Variants in KTN1 observed in about 807,000 individuals in gnomAD.
The protein encoded by KTN1 is kinectin 1, also known as kinectin.
Under a neutral mutation model 222.5 loss-of-function variants are expected in KTN1, and 130 were observed. That is an observed-to-expected ratio of 0.58 (90% CI 0.51 to 0.68). The LOEUF is 0.68. Among genes scored for constraint, KTN1 ranks in the 30% least tolerant of loss-of-function variants. The pLI is 0.00. For missense variants in KTN1, 1,508 were observed against 1,500.4 expected, an observed-to-expected ratio of 1.01 and a Z score of -0.08; for synonymous variants, 512 against 496.3, an observed-to-expected ratio of 1.03 and a Z score of -0.42.
At chr14:55,675,945 A>G (rs769021843) in intron 41 of KTN1, 27 bp downstream of exon 41, 14 of 1,480,248 alleles carry the variant, frequency 9.5e-6, no homozygotes, top group Non-Finnish European at 1.3e-5. Flanking sequence ...CTAGAGATGT[A>G]GTATCATGAG....
At chr14:55,642,974 A>G (rs994938461) in intron 18 of KTN1, among the ~76,000 whole-genome samples, 1 of 150,658 alleles carries the variant, frequency 6.6e-6, no homozygotes, top group African/African-American at 2.5e-5. Flanking sequence ...CAGTAGCACT[A>G]TCTTGGCTCA....
chr14:55,610,669 A>G (rs1487790452), intron 1 of KTN1, among the ~76,000 whole-genome samples: 1 of 152,232 alleles, frequency 6.6e-6, no homozygotes, highest in Non-Finnish European at 1.5e-5. Flanking sequence ...GTTTAATTAT[A>G]TCTGTATTAT....
intron 29 of KTN1, among the ~76,000 whole-genome samples, chr14:55,657,910 A>G (rs768906080): frequency 7.2e-4 from 109 of 152,072 alleles, no homozygotes; most frequent in Non-Finnish European, 1.4e-3. Flanking sequence ...CAAGACTGCC[A>G]TCTTTAAAAA....
Position 55,679,975 on chromosome 14 carries a change from C to T in KTN1, c.4069+290C>T, listed in dbSNP as rs1226296265. The T allele has an allele frequency of 2.1e-5, 7 of 333,530 alleles. No individual in the cohort carries two copies. The South Asian group carries it at 3.4e-4, about 16-fold the overall frequency. The allele number at this position is 333,530 out of a possible 1,614,324, so 20.7% of individuals were successfully genotyped here. ...TTGTGTGTTGCCTTAATACCTGCAA[C>T]GGCTTCGTTAATTTATTCTGTTCTT... is the stretch of plus-strand genomic sequence containing the variant. On this transcript the variant is annotated intron_variant, in intron 43 of 43. Coordinates refer to ENST00000395314, the MANE Select transcript of KTN1 (RefSeq NM_001079521.2).
At position 55,628,044 on chromosome 14, in the gene KTN1, T is replaced by C. The variant is rs780630885; in HGVS notation, c.1080+16T>C. The stretch of plus-strand genomic sequence containing the variant: ...GTTAACCCAGGTGAAGACATTCTTA[T>C]GTACGAGGGATATACTTCCCAAATC... On this transcript the variant is annotated intron_variant, in intron 6 of 43. Coordinates refer to ENST00000395314, the MANE Select transcript of KTN1 (RefSeq NM_001079521.2). The C allele has an allele frequency of 8.3e-6, 12 of 1,452,840 alleles. No homozygotes were observed. Among genetic ancestry groups the C allele is most frequent in the South Asian group, 2.3e-5 (2 of 87,188 alleles). The allele number at this position is 1,452,840 out of a possible 1,614,324, so 90.0% of individuals were successfully genotyped here.
Position 55,636,494 on chromosome 14 carries a change from T to C in KTN1, c.1507T>C (p.Tyr503His). The change falls in exon 10 of 44, where the codon TAC becomes CAC. Residue 503 changes from tyrosine (Y) to histidine (H), a missense_variant. By Grantham distance (83) the Tyr-to-His change is moderately conservative. Coordinates refer to ENST00000395314, the MANE Select transcript of KTN1 (RefSeq NM_001079521.2). ...GAGAAGGTGGGAAGAAGTTCAGAGC[T>C]ACATCAGGAAGAGAACAGCGGAACA... ...AERRWEEVQS[Y>H]IRKRTAEHEA... is the part of the protein sequence containing the mutation. The C allele has an allele frequency of 6.2e-7, 1 of 1,611,596 alleles. No homozygotes were observed. The highest frequency in any genetic ancestry group is 8.5e-7 in the Non-Finnish European group (1 of 1,178,688).
At chr14:55,674,786 T>C (rs1293464044) in intron 40 of KTN1, 2 of 152,160 alleles carry the variant, frequency 1.3e-5, no homozygotes, top group Non-Finnish European at 2.9e-5. Flanking sequence ...TTACTTTTTT[T>C]CCCTAGTCTT....
At chr14:55,600,220 G>C (rs1353412998) in intron 1 of KTN1, among the ~76,000 whole-genome samples, 1 of 151,284 alleles carries the variant, frequency 6.6e-6, no homozygotes, top group East Asian at 2.0e-4. Flanking sequence ...ATACACCTAA[G>C]AGTTATTTTA....
Position 55,679,646 on chromosome 14 carries a change from C to T in KTN1, c.4030C>T (p.Gln1344Ter). The change falls in exon 43 of 44, where the codon CAA (glutamine) becomes TAA (stop). Residue 1344 changes from glutamine to a stop codon, truncating the protein, a stop_gained. Coordinates refer to ENST00000395314, the MANE Select transcript of KTN1 (RefSeq NM_001079521.2). LOFTEE classifies it high-confidence loss of function. ...ACAGCAGTTGCTTCAGGCGGTAAACCAACAGCTCACAAAGGAGAAAGAGCA... is the reference window on the plus strand; with the variant it reads ...ACAGCAGTTGCTTCAGGCGGTAAACTAACAGCTCACAAAGGAGAAAGAGCA... ...QLQQLLQAVN[Q>*]QLTKEKEHYQ... The T allele has an allele frequency of 6.2e-7, 1 of 1,613,780 alleles. No homozygotes were observed. The highest frequency in any genetic ancestry group is 8.5e-7 in the Non-Finnish European group (1 of 1,179,766).
intron 12 of KTN1, 110 bp downstream of exon 12, chr14:55,637,957 A>G (rs952841715): frequency 1.1e-5 from 8 of 731,630 alleles, no homozygotes; most frequent in South Asian, 3.8e-5. Context: ...AGACTAGTCA[A>G]TGAATCAACA....
intron 18 of KTN1, among the ~76,000 whole-genome samples, chr14:55,642,137 T>G (rs2041867791): frequency 6.6e-6 from 1 of 152,182 alleles, no homozygotes; most frequent in Non-Finnish European, 1.5e-5. Context: ...AAAAGCAGTG[T>G]GATGTTGATC....
intron 43 of KTN1, chr14:55,680,663 A>G (rs1340954535): frequency 7.4e-7 from 1 of 1,350,126 alleles, no homozygotes; most frequent in African/African-American, 1.5e-5. Flanking sequence ...TTGATCTTAC[A>G]GGAGCGTTTT....
At chr14:55,667,411 T>TGAAACCAAGTGGAG in intron 34 of KTN1, 81 bp downstream of exon 34, 2 of 739,206 alleles carry the variant, frequency 2.7e-6, no homozygotes, top group Non-Finnish European at 4.5e-6. Context: ...TGCACTCCAC[T>TGAAACCAAGTGGAG]TGGTTTCAGT....
At chr14:55,620,219 G>A (rs868718756) in intron 5 of KTN1, among the ~76,000 whole-genome samples, 10 of 152,248 alleles carry the variant, frequency 6.6e-5, no homozygotes, top group Middle Eastern at 3.4e-3. Flanking sequence ...GGGCAGCTCC[G>A]CCCCTGTGGC....
intron 1 of KTN1, among the ~76,000 whole-genome samples, chr14:55,610,528 C>G (rs1419593736): frequency 6.6e-6 from 1 of 152,120 alleles, no homozygotes; most frequent in Non-Finnish European, 1.5e-5. Context: ...AATTTGGTTT[C>G]TTTATCTAAT....
rs569847515 is a variant in KTN1, at chr14:55,673,216, A to G, written c.3732A>G (p.Ser1244=). 89 of 1,613,234 alleles carry G rather than the reference A, an allele frequency of 5.5e-5. 2 individuals are homozygous for G. The South Asian group carries it at 9.6e-4, about 17-fold the overall frequency. The change falls in exon 40 of 44, where the codon TCA becomes TCG. Residue 1244 remains serine, a synonymous_variant. Transcript: ENST00000395314. ...AATTGCAGAAAAAACTTGATGATTC[A>G]TATTCTGAAGCAGTAAGACAGAATG... The part of the protein sequence containing the change: ...LTELQKKLDD[S]YSEAVRQNEE...
intron 5 of KTN1, among the ~76,000 whole-genome samples, chr14:55,625,969 A>G (rs1447653312): frequency 6.6e-6 from 1 of 152,178 alleles, no homozygotes. Context: ...CCTACTCTAC[A>G]CACATCAAGG....
At chr14:55,631,094 C>T (rs1373420474) in intron 7 of KTN1, among the ~76,000 whole-genome samples, 1 of 151,022 alleles carries the variant, frequency 6.6e-6, no homozygotes, top group East Asian at 1.9e-4. Flanking sequence ...TAGGACTAGA[C>T]CAGTGAATTT....
Position 55,650,400 on chromosome 14 carries a change from C to T in KTN1, c.2478C>T (p.Asn826=). Reference sequence around the variant, plus strand: ...AGGCAGAACTTCTCAAAGTTGCTAACAAGGAGAAAACTGTTCAGGTATTGG... The same window carrying T: ...AGGCAGAACTTCTCAAAGTTGCTAATAAGGAGAAAACTGTTCAGGTATTGG... ...LLEAELLKVA[N]KEKTVQDLKQ... is the part of the protein sequence containing the mutation. The change falls in exon 23 of 44, where the codon AAC becomes AAT. Residue 826 remains asparagine (N), a synonymous_variant. Transcript: ENST00000395314. 1 of 1,610,066 alleles carries T rather than the reference C, an allele frequency of 6.2e-7. No individual in the cohort carries two copies. Among genetic ancestry groups the T allele is most frequent in the Non-Finnish European group, 8.5e-7 (1 of 1,178,096 alleles).
Sources: allele counts gnomAD v4.1 joint callset (sites outside exome capture counted in the v4.1 genomes callset), GRCh38; gene constraint gnomAD v4.1.1; transcripts MANE v1.5; gene names NCBI Gene and HGNC (gene_info 2026-07-23, HGNC 2026-07-21).